CD163L1: variants seen among roughly 807,000 people sequenced by gnomAD.
The protein encoded by CD163L1 is scavenger receptor cysteine-rich type 1 protein M160.
Under a neutral mutation model 165.4 loss-of-function variants are expected in CD163L1, and 124 were observed. The ratio of observed to expected loss-of-function variants is 0.75; its 90% confidence interval spans 0.65 to 0.87. The LOEUF is 0.87. Ranked by LOEUF, CD163L1 falls within the 40% of genes least tolerant of loss-of-function variation. The pLI is 0.00. For synonymous variants in CD163L1, 585 were observed against 662.2 expected (o/e 0.88, Z 1.79); for missense variants, 1,525 against 1,799.9 (o/e 0.85, Z 2.76).
intron 8 of CD163L1, among the ~76,000 whole-genome samples, chr12:7,389,670 A>G (rs1947603921): frequency 6.6e-6 from 1 of 152,024 alleles, no homozygotes; most frequent in Admixed American, 6.5e-5. Context: ...ATGTAATTGG[A>G]TTGCTTGTAA....
chr12:7,380,321 A>G (rs11053544), intron 8 of CD163L1, among the ~76,000 whole-genome samples: 4,304 of 53,748 alleles, frequency 0.08, 84 homozygotes, highest in South Asian at 0.16. Flanking sequence ...ATACATACAT[A>G]TATGTATGTA....
At chr12:7,419,591 T>A (rs899560354) in intron 4 of CD163L1, among the ~76,000 whole-genome samples, 1 of 152,076 alleles carries the variant, frequency 6.6e-6, no homozygotes, top group Non-Finnish European at 1.5e-5. Context: ...GATATGATCA[T>A]ATACCTAGAA....
At chr12:7,391,730 T>G (rs1263793211) in intron 8 of CD163L1, among the ~76,000 whole-genome samples, 1 of 152,114 alleles carries the variant, frequency 6.6e-6, no homozygotes, top group Admixed American at 6.5e-5. Flanking sequence ...TGGAGGAAGA[T>G]CTACCAAACA....
chr12:7,441,789 A>G (rs1948834558), intron 1 of CD163L1, among the ~76,000 whole-genome samples: 1 of 152,196 alleles, frequency 6.6e-6, no homozygotes, highest in Non-Finnish European at 1.5e-5. Flanking sequence ...AGGTCACTAT[A>G]ATAACTGCTG....
intron 4 of CD163L1, among the ~76,000 whole-genome samples, chr12:7,421,096 T>C (rs1357886459): frequency 6.3e-4 from 69 of 109,350 alleles, no homozygotes; most frequent in African/African-American, 2.7e-3. Flanking sequence ...CGTATATATA[T>C]GTATATATAC....
intron 18 of CD163L1, among the ~76,000 whole-genome samples, chr12:7,366,115 AG>A (rs1947014225): frequency 6.6e-6 from 1 of 152,110 alleles, no homozygotes; most frequent in African/African-American, 2.4e-5. Flanking sequence ...GTGGAACTAG[AG>A]GTCATTATGT....
At chr12:7,344,202 T>A (rs1255503235), downstream of CD163L1, among the ~76,000 whole-genome samples, 1 of 151,928 alleles carries the variant, frequency 6.6e-6, no homozygotes, top group African/African-American at 2.4e-5. Context: ...TACCTCAGCC[T>A]CCCTAGGAGC....
intron 2 of CD163L1, chr12:7,438,837 T>C (rs1948774623): frequency 6.4e-7 from 1 of 1,558,998 alleles, no homozygotes; most frequent in African/African-American, 1.4e-5. Context: ...CTCCAGCCCT[T>C]TGGCGTTTGG....
chr12:7,439,349 T>C (rs1226122159), intron 2 of CD163L1: 2 of 1,597,074 alleles, frequency 1.3e-6, no homozygotes, highest in Non-Finnish European at 1.7e-6. Flanking sequence ...TTTTGGGCTT[T>C]TTGGACTCCT....
At chr12:7,327,639 T>C in the CD163L1 span, among the ~76,000 whole-genome samples, 1 of 152,188 alleles carries the variant, frequency 6.6e-6, no homozygotes, top group Non-Finnish European at 1.5e-5. Context: ...TGGGTGATAA[T>C]TACTGATCCT....
chr12:7,424,358 T>G (rs1398900061), intron 4 of CD163L1, among the ~76,000 whole-genome samples: 1 of 151,872 alleles, frequency 6.6e-6, no homozygotes, highest in African/African-American at 2.4e-5. Context: ...GAGCTATTTA[T>G]GACAAACCCA....
At chr12:7,411,540 A>G (rs1296449522) in intron 4 of CD163L1, among the ~76,000 whole-genome samples, 1 of 152,082 alleles carries the variant, frequency 6.6e-6, no homozygotes, top group African/African-American at 2.4e-5. Flanking sequence ...CACCTCCCCC[A>G]CCACCTTGCT....
rs1029227902 is a variant in CD163L1, at chr12:7,369,653, A to C, written c.3743T>G (p.Val1248Gly). Reference sequence around the variant, plus strand: ...AGAGCACTCGGTGTCTCCTCCACGCACTCTTATTCTATCTACAAAGGCACA... The same window carrying C: ...AGAGCACTCGGTGTCTCCTCCACGCCCTCTTATTCTATCTACAAAGGCACA... ...TWITCEDRIR[V>G]RGGDTECSGR... The change falls in exon 15 of 20, where the codon GTG becomes GGG. Residue 1248 changes from valine to glycine, a missense_variant. Physicochemically the swap from Val to Gly is moderately radical, Grantham distance 109. Coordinates refer to ENST00000313599, the MANE Select transcript of CD163L1 (RefSeq NM_174941.6). The surrounding 1 kb of genome is among the most constrained non-coding windows in gnomAD (Gnocchi z 4.9). The C allele has an allele frequency of 3.7e-6, 6 of 1,611,526 alleles. No homozygotes were observed. The highest frequency in any genetic ancestry group is 5.1e-6 in the Non-Finnish European group (6 of 1,178,134).
intron 5 of CD163L1, among the ~76,000 whole-genome samples, chr12:7,406,045 A>G (rs763100880): frequency 1.2e-4 from 18 of 152,346 alleles, no homozygotes; most frequent in Non-Finnish European, 1.6e-4. Context: ...TATAAGGTAC[A>G]AAGTAATTAG....
At chr12:7,435,149 A>G (rs1948698695) in intron 2 of CD163L1, among the ~76,000 whole-genome samples, 1 of 152,050 alleles carries the variant, frequency 6.6e-6, no homozygotes, top group Non-Finnish European at 1.5e-5. Flanking sequence ...TATTTTTTCA[A>G]TATACTGATT....
At chr12:7,430,679 T>C (rs564022476) in intron 4 of CD163L1, among the ~76,000 whole-genome samples, 96 of 152,248 alleles carry the variant, frequency 6.3e-4, no homozygotes, top group Non-Finnish European at 3.5e-4. Context: ...AGTGCCATCA[T>C]AGCATATGAA....
At chr12:7,383,954 G>A (rs1947463719) in intron 8 of CD163L1, among the ~76,000 whole-genome samples, 1 of 151,966 alleles carries the variant, frequency 6.6e-6, no homozygotes. Context: ...AATTTCTCCA[G>A]CACCACATTT....
At chr12:7,324,129 C>G in the CD163L1 span, 9 of 975,228 alleles carry the variant, frequency 9.2e-6, no homozygotes, top group East Asian at 2.5e-4. Flanking sequence ...AGGCTCCAGT[C>G]TAGGCAACAG....
Position 7,374,165 on chromosome 12 carries a change from CCA to C in CD163L1, c.3409+275_3409+276del, listed in dbSNP as rs1222983603. Among the ~76,000 whole-genome samples, 1 of 152,162 alleles carries C rather than the reference CCA, an allele frequency of 6.6e-6. No homozygotes were observed. The highest frequency in any genetic ancestry group is 1.5e-5 in the Non-Finnish European group (1 of 68,032). ...CACGGTTGACAGTGTGTTCTCAGAG[CCA>C]GAGTGGATGTCATGTAAGGTCCCTT... On this transcript the variant is annotated intron_variant, in intron 13 of 19. Transcript: ENST00000313599. This position sits in a 1 kb window ranked among gnomAD's most constrained non-coding sequence, Gnocchi z 5.4.
Sources: gnomAD v4.1 joint callset for allele counts (sites outside exome capture counted in the v4.1 genomes callset) on GRCh38, gnomAD v4.1.1 for gene constraint, Gnocchi (gnomAD v3.1) non-coding constraint, MANE v1.5 for transcripts, NCBI Gene and HGNC (gene_info 2026-07-23, HGNC 2026-07-21) for gene names.